Variants in TYW1B observed in about 807,000 individuals in gnomAD.
The protein encoded by TYW1B is S-adenosyl-L-methionine-dependent tRNA 4-demethylwyosine synthase TYW1B.
Under a neutral mutation model 86.9 loss-of-function variants are expected in TYW1B, and 73 were observed. That is an observed-to-expected ratio of 0.84 (90% CI 0.70 to 1.02). TYW1B has a LOEUF of 1.02. Ranked by LOEUF, TYW1B falls within the 50% of genes least tolerant of loss-of-function variation. TYW1B has a pLI of 0.00. For synonymous variants in TYW1B, 248 were observed against 292.8 expected (o/e 0.85, Z 1.56); for missense variants, 637 against 827.4 (o/e 0.77, Z 2.82).
intron 8 of TYW1B, among the ~76,000 whole-genome samples, chr7:72,730,133 C>T (rs1185948314): frequency 6.6e-6 from 1 of 151,966 alleles, no homozygotes; most frequent in Non-Finnish European, 1.5e-5. Flanking sequence ...ACTGTTATAC[C>T]AGATGTGCAG....
intron 8 of TYW1B, 77 bp from the exon 9 acceptor site, chr7:72,729,008 A>G (rs1787057363): frequency 7.2e-7 from 1 of 1,396,380 alleles, no homozygotes; most frequent in Admixed American, 2.2e-5. Flanking sequence ...GAAGTCGTCC[A>G]TTTTTAAAAA....
chr7:72,815,427 T>C lies in TYW1B; in HGVS notation c.190A>G (p.Ile64Val), dbSNP rs1788704340. ...AVTSLDLPVAIINLKEYDPDD... is the reference protein window; with the variant it reads ...AVTSLDLPVAVINLKEYDPDD... ...GGATCATATTCTTTTAGATTAATAA[T>C]GGCCACAGGCAGATCCAGGGACGTA... Residue 64 changes from isoleucine (I) to valine (V), a missense_variant, in exon 3 of 14, where the codon ATT (isoleucine) becomes GTT (valine). By Grantham distance (29) the Ile-to-Val change is conservative. Coordinates refer to ENST00000620995, the MANE Select transcript of TYW1B (RefSeq NM_001145440.3). The C allele has an allele frequency of 1.2e-6, 2 of 1,610,370 alleles. No homozygotes were observed. The highest frequency in any genetic ancestry group is 1.3e-5 in the African/African-American group (1 of 74,800).
At chr7:72,786,117 A>G (rs1788126077) in intron 6 of TYW1B, among the ~76,000 whole-genome samples, 1 of 151,528 alleles carries the variant, frequency 6.6e-6, no homozygotes, top group Non-Finnish European at 1.5e-5. Context: ...AAAAAAAAAG[A>G]GAAGAAAAAA....
chr7:72,634,360 T>C (rs1353874207), intron 11 of TYW1B, among the ~76,000 whole-genome samples: 3 of 147,634 alleles, frequency 2.0e-5, no homozygotes, highest in African/African-American at 7.6e-5. Context: ...TTTTTTCTTT[T>C]TTTTTTTCTG....
chr7:72,756,599 G>A (rs1449660751), intron 7 of TYW1B, among the ~76,000 whole-genome samples: 1 of 152,112 alleles, frequency 6.6e-6, no homozygotes, highest in Non-Finnish European at 1.5e-5. Context: ...GGGGAATCTT[G>A]CTAGGGCAGA....
At chr7:72,781,525 G>A (rs7784955) in intron 6 of TYW1B, among the ~76,000 whole-genome samples, 104,331 of 151,952 alleles carry the variant, frequency 0.69, 36,752 homozygotes, top group Non-Finnish European at 0.77. Flanking sequence ...TCGACTCCCA[G>A]TAAAGCCTTT....
At chr7:72,772,204 C>CTGG (rs1355826703) in intron 7 of TYW1B, among the ~76,000 whole-genome samples, 2 of 151,892 alleles carry the variant, frequency 1.3e-5, no homozygotes, top group Non-Finnish European at 2.9e-5. Flanking sequence ...CTCTCTGTCT[C>CTGG]TAACAGATCT....
At chr7:72,729,666 C>T (rs1402050568) in intron 8 of TYW1B, among the ~76,000 whole-genome samples, 2 of 152,080 alleles carry the variant, frequency 1.3e-5, no homozygotes, top group Non-Finnish European at 2.9e-5. Context: ...AGACACAATG[C>T]CAGAGCCCAA....
chr7:72,804,958 CT>C (rs1184432898), intron 5 of TYW1B, among the ~76,000 whole-genome samples: 3 of 152,156 alleles, frequency 2.0e-5, no homozygotes, highest in Non-Finnish European at 4.4e-5. Flanking sequence ...TGAGAATTTA[CT>C]TTTTCCAAAA....
intron 7 of TYW1B, among the ~76,000 whole-genome samples, chr7:72,744,887 A>G (rs1333085058): frequency 6.6e-6 from 1 of 152,244 alleles, no homozygotes; most frequent in African/African-American, 2.4e-5. Context: ...CCTTCAAATA[A>G]TATTAGTACA....
At chr7:72,633,538 C>G (rs1349325577) in intron 11 of TYW1B, among the ~76,000 whole-genome samples, 1 of 152,186 alleles carries the variant, frequency 6.6e-6, no homozygotes, top group Non-Finnish European at 1.5e-5. Flanking sequence ...TCACAAAATG[C>G]CCATCACCCA....
intron 10 of TYW1B, among the ~76,000 whole-genome samples, chr7:72,712,275 C>CA (rs1786683964): frequency 6.6e-6 from 1 of 152,152 alleles, no homozygotes; most frequent in Non-Finnish European, 1.5e-5. Flanking sequence ...CTCTTCTCCG[C>CA]TAGCCTCTCA....
chr7:72,776,800 G>C (rs1384962314), intron 7 of TYW1B, among the ~76,000 whole-genome samples: 16 of 151,298 alleles, frequency 1.1e-4, no homozygotes, highest in Non-Finnish European at 1.9e-4. Flanking sequence ...TTAAAATATA[G>C]ACATAGATAT....
At chr7:72,766,962 A>G (rs1236723701) in intron 7 of TYW1B, among the ~76,000 whole-genome samples, 8 of 152,120 alleles carry the variant, frequency 5.3e-5, no homozygotes, top group African/African-American at 1.9e-4. Flanking sequence ...TACAGGATAA[A>G]TGATCAGTCA....
At chr7:72,661,224 T>G (rs1813321799) in intron 11 of TYW1B, among the ~76,000 whole-genome samples, 1 of 35,866 alleles carries the variant, frequency 2.8e-5, no homozygotes, top group African/African-American at 6.0e-5. Flanking sequence ...TCTAGGGAGG[T>G]CTGGTGGGGG....
chr7:72,727,353 GAGA>G lies in TYW1B; in HGVS notation c.1192+1466_1192+1468del, dbSNP rs1319335729. The stretch of plus-strand genomic sequence containing the variant: ...TATGACGGAAAAGAAGAATACAGGA[GAGA>G]AGGAGTCACCAGTGGTAGGTAGAGA... On this transcript the variant is annotated intron_variant, in intron 9 of 13. Coordinates refer to ENST00000620995, the MANE Select transcript of TYW1B (RefSeq NM_001145440.3). Among the ~76,000 whole-genome samples, 7 of 152,152 alleles carry G rather than the reference GAGA, an allele frequency of 4.6e-5. No homozygotes were observed. The East Asian group carries it at 9.6e-4, about 21-fold the overall frequency.
At chr7:72,815,271 G>A (rs868952265) in intron 3 of TYW1B, 109 bp downstream of exon 3, 142 of 1,038,700 alleles carry the variant, frequency 1.4e-4, no homozygotes, top group Admixed American at 4.0e-4. Context: ...CCCTTAGCAC[G>A]AAAATTAAAT....
At chr7:72,630,641 C>T (rs1437133148) in intron 11 of TYW1B, among the ~76,000 whole-genome samples, 1 of 152,054 alleles carries the variant, frequency 6.6e-6, no homozygotes, top group Non-Finnish European at 1.5e-5. Context: ...ACTAAGAGGT[C>T]GTTAATAAGG....
intron 11 of TYW1B, among the ~76,000 whole-genome samples, chr7:72,629,668 T>C (rs1325208163): frequency 1.3e-5 from 2 of 152,152 alleles, no homozygotes; most frequent in Admixed American, 1.3e-4. Context: ...TGCCTCAGCT[T>C]CCCAAGTAGC....
Sources: gnomAD v4.1 joint callset for allele counts (sites outside exome capture counted in the v4.1 genomes callset) on GRCh38, gnomAD v4.1.1 for gene constraint, MANE v1.5 for transcripts, NCBI Gene and HGNC (gene_info 2026-07-23, HGNC 2026-07-21) for gene names.